The following GRM5 variants were observed in gnomAD, a reference collection of about 807,000 sequenced individuals.
The protein encoded by GRM5 is metabotropic glutamate receptor 5.
GRM5 carries 19 observed loss-of-function variants against 83.1 expected under a neutral mutation model. That is an observed-to-expected ratio of 0.23 (90% CI 0.16 to 0.34). The LOEUF (loss-of-function observed/expected upper bound fraction) is 0.34, where lower values mean the gene tolerates loss of function less well. GRM5 is among the 10% of genes least tolerant of loss of function. GRM5 has a pLI of 1.00. For synonymous variants in GRM5, 675 were observed against 633.6 expected (o/e 1.07, Z -0.98); for missense variants, 1,160 against 1,588.3 (o/e 0.73, Z 4.58).
At chr11:89,016,215 A>G (rs1940851066) in intron 2 of GRM5, among the ~76,000 whole-genome samples, 1 of 149,422 alleles carries the variant, frequency 6.7e-6, no homozygotes, top group Admixed American at 6.7e-5. Context: ...TTATACATAT[A>G]TTTATTTATA....
intron 3 of GRM5, among the ~76,000 whole-genome samples, chr11:88,655,786 T>A (rs1356654762): frequency 6.6e-6 from 1 of 152,038 alleles, no homozygotes; most frequent in Non-Finnish European, 1.5e-5. Flanking sequence ...AATTTTTGTT[T>A]CAGATGTTTC....
chr11:89,001,474 C>A (rs1328596165), intron 2 of GRM5, among the ~76,000 whole-genome samples: 1 of 152,010 alleles, frequency 6.6e-6, no homozygotes, highest in East Asian at 1.9e-4. Flanking sequence ...TGTATAGTTC[C>A]ATTTATAGAA....
Position 88,604,979 on chromosome 11 carries a change from A to G in GRM5, c.1148-15T>C. ...AGTCAGAGAACCTGTTGGGAAACAA[A>G]TTAAGCATAGCTTTGAGGTACAAAT... On this transcript the variant is annotated splice_polypyrimidine_tract_variant and intron_variant, in intron 4 of 9. Coordinates refer to ENST00000305447, the MANE Select transcript of GRM5 (RefSeq NM_001143831.3). 6.2e-7 allele frequency: 1 copy of G among 1,605,538 alleles called. No individual in the cohort carries two copies. Among genetic ancestry groups the G allele is most frequent in the East Asian group, 2.2e-5 (1 of 44,818 alleles).
In GRM5 at chr11:88,508,797, G is replaced by T. The variant is rs1349965240; in HGVS notation, c.3434C>A (p.Ala1145Glu). The change falls in exon 10 of 10, where the codon GCG becomes GAG. Residue 1145 changes from alanine to glutamate, a missense_variant. Ala to Glu is a moderately radical substitution (Grantham distance 107). Around this residue, in one of 9 missense-constraint regions of GRM5, gnomAD observed 562 missense variants for 532.4 expected, o/e 1.06. Coordinates refer to ENST00000305447, the MANE Select transcript of GRM5 (RefSeq NM_001143831.3). This position sits in a 1 kb window ranked among gnomAD's most constrained non-coding sequence, Gnocchi z 4.2. ...GGCGGCCGCAGCCTCGGGACCGGCCGCGGGGCTCTCCCGGGCCGCGTCCCC... is the reference window on the plus strand; with the variant it reads ...GGCGGCCGCAGCCTCGGGACCGGCCTCGGGGCTCTCCCGGGCCGCGTCCCC... The part of the protein sequence containing the change: ...AAGDAARESP[A>E]AGPEAAAAKP... 1.4e-6 allele frequency: 2 copies of T among 1,470,764 alleles called. No individual in the cohort carries two copies. The highest frequency in any genetic ancestry group is 9.0e-7 in the Non-Finnish European group (1 of 1,116,966). The allele number at this position is 1,470,764 out of a possible 1,614,324, so 91.1% of individuals were successfully genotyped here. A position where few individuals can be genotyped will look rare whatever the true frequency, so the allele number is the denominator to read the frequency against.
chr11:88,989,177 A>C (rs1191858638), intron 2 of GRM5, among the ~76,000 whole-genome samples: 4 of 147,602 alleles, frequency 2.7e-5, no homozygotes, highest in Non-Finnish European at 4.5e-5. Context: ...TCTACCAAGC[A>C]AATGGAAAAC....
At chr11:88,718,939 G>A (rs1264079197) in intron 3 of GRM5, among the ~76,000 whole-genome samples, 1 of 151,848 alleles carries the variant, frequency 6.6e-6, no homozygotes, top group Admixed American at 6.6e-5. Flanking sequence ...TCTTCTCCTT[G>A]TTATTCTCAG....
chr11:88,955,471 C>T (rs1938580546), intron 2 of GRM5, among the ~76,000 whole-genome samples: 1 of 152,152 alleles, frequency 6.6e-6, no homozygotes, highest in African/African-American at 2.4e-5. Context: ...GATAATAAAA[C>T]TCATGTAATT....
At chr11:88,796,931 TGTGTGTG>T in intron 3 of GRM5, among the ~76,000 whole-genome samples, 1 of 139,284 alleles carries the variant, frequency 7.2e-6, no homozygotes, top group Admixed American at 6.8e-5. Context: ...TGTGTGTGTG[TGTGTGTG>T]TGTACAGAAA....
intron 3 of GRM5, among the ~76,000 whole-genome samples, chr11:88,731,774 T>C (rs1941813604): frequency 6.6e-6 from 1 of 151,960 alleles, no homozygotes; most frequent in South Asian, 2.1e-4. Context: ...CAAGAGTAGT[T>C]TACCAAAACA....
intron 7 of GRM5, among the ~76,000 whole-genome samples, chr11:88,573,303 C>A (rs1943043896): frequency 6.6e-6 from 1 of 152,148 alleles, no homozygotes; most frequent in African/African-American, 2.4e-5. Flanking sequence ...TACTGATTTT[C>A]TGGACCCCTA....
chr11:88,969,321 T>C lies in GRM5; in HGVS notation c.661+77891A>G, dbSNP rs181097047. 8.2e-3 allele frequency among the ~76,000 whole-genome samples: 1,245 copies of C among 152,218 alleles called. 4 individuals carry two copies. Among genetic ancestry groups the C allele is most frequent in the South Asian group, 0.02 (95 of 4,832 alleles). ...GCATGTGAGAAACACTACCCAATGCTTGGGGACAGTATTTTTATACCCCAA... is the reference window on the plus strand; with the variant it reads ...GCATGTGAGAAACACTACCCAATGCCTGGGGACAGTATTTTTATACCCCAA... On this transcript the variant is annotated intron_variant, in intron 2 of 9. Coordinates refer to ENST00000305447, the MANE Select transcript of GRM5 (RefSeq NM_001143831.3).
chr11:88,817,524 T>G (rs1377055012), intron 3 of GRM5, among the ~76,000 whole-genome samples: 1 of 152,108 alleles, frequency 6.6e-6, no homozygotes, highest in East Asian at 1.9e-4. Context: ...ATTTTTGCAT[T>G]GATTTCTAAT....
intron 9 of GRM5, among the ~76,000 whole-genome samples, chr11:88,522,603 CTGTGTGTGTG>C (rs55777647): frequency 0.011 from 1,351 of 127,276 alleles, 35 homozygotes; most frequent in African/African-American, 0.036. Flanking sequence ...CTCTCTCTCT[CTGTGTGTGTG>C]TGTGTGTGTG....
intron 3 of GRM5, among the ~76,000 whole-genome samples, chr11:88,808,844 C>G (rs1404910927): frequency 6.6e-6 from 1 of 151,978 alleles, no homozygotes; most frequent in Non-Finnish European, 1.5e-5. Context: ...GATCCCTTAA[C>G]ATGAATTAAT....
chr11:88,994,610 GA>G (rs58691405), intron 2 of GRM5, among the ~76,000 whole-genome samples: 3,930 of 89,830 alleles, frequency 0.044, 61 homozygotes, highest in Middle Eastern at 0.12. Context: ...AAGCATTACA[GA>G]AAAAAAAAAA....
chr11:88,744,063 C>A (rs568095552), intron 3 of GRM5, among the ~76,000 whole-genome samples: 8 of 152,196 alleles, frequency 5.3e-5, no homozygotes, highest in African/African-American at 1.7e-4. Flanking sequence ...AAGGTTCCAT[C>A]CTATATCACA....
intron 3 of GRM5, among the ~76,000 whole-genome samples, chr11:88,848,427 G>A (rs1944333702): frequency 6.6e-6 from 1 of 152,166 alleles, no homozygotes; most frequent in South Asian, 2.1e-4. Flanking sequence ...TAAGCATTTG[G>A]AAAATGAAGG....
rs1472833525 is a variant in GRM5 at position 88,641,909 on chromosome 11, G to A, written c.1147+11259C>T. On this transcript the variant is annotated intron_variant, in intron 4 of 9. Coordinates refer to ENST00000305447, the MANE Select transcript of GRM5 (RefSeq NM_001143831.3). ...AAGTTGCCAGTGGATCTACCATTCT[G>A]GGGTCTGGATGATGGTGGCCCCCTT... 2.0e-5 allele frequency among the ~76,000 whole-genome samples: 3 copies of A among 152,166 alleles called. No individual in the cohort carries two copies. In the East Asian group the frequency reaches 5.8e-4, roughly 29 times the overall value.
intron 2 of GRM5, chr11:88,912,039 T>C (rs755111265): frequency 4.3e-6 from 2 of 469,478 alleles, no homozygotes; most frequent in South Asian, 3.1e-5. Flanking sequence ...CACAAATAAG[T>C]ATTGTACAAT....
Sources: allele counts gnomAD v4.1 joint callset (sites outside exome capture counted in the v4.1 genomes callset), GRCh38; gene constraint gnomAD v4.1.1; regional missense constraint gnomAD v4.1.1; non-coding constraint Gnocchi (gnomAD v3.1); transcripts MANE v1.5; gene names NCBI Gene and HGNC (gene_info 2026-07-23, HGNC 2026-07-21).